Variants in DRC4 observed in about 807,000 individuals in gnomAD.
DRC4 encodes GAS-11.
the DRC4 span, among the ~76,000 whole-genome samples, chr16:90,025,017 C>CT: frequency 3.6e-3 from 491 of 137,360 alleles, 3 homozygotes; most frequent in South Asian, 0.028. Flanking sequence ...TTCTCTCTCT[C>CT]TTTTTTTTTT....
the DRC4 span, chr16:90,037,239 T>C: frequency 8.7e-6 from 14 of 1,610,066 alleles, no homozygotes; most frequent in Non-Finnish European, 1.2e-5. Context: ...CAGGAGCAGA[T>C]GGAGGACATG....
the DRC4 span, chr16:90,042,413 TC>T: frequency 6.6e-7 from 1 of 1,504,306 alleles, no homozygotes; most frequent in South Asian, 1.1e-5. Flanking sequence ...CCCAGGCCGC[TC>T]CCGTTGCCTC....
At chr16:90,027,616 C>T in the DRC4 span, 20 of 1,612,292 alleles carry the variant, frequency 1.2e-5, 1 homozygote, top group Middle Eastern at 1.7e-4. Flanking sequence ...GTCTCTCTTA[C>T]CCCATTATTT....
chr16:90,042,535 G>C, the DRC4 span: 1 of 1,613,296 alleles, frequency 6.2e-7, no homozygotes, highest in Non-Finnish European at 8.5e-7. Flanking sequence ...AGGTCTGTAA[G>C]GTACGGCTGT....
chr16:90,036,596 G>A, the DRC4 span: 79 of 1,562,144 alleles, frequency 5.1e-5, no homozygotes, highest in South Asian at 8.2e-5. Flanking sequence ...GGTGCTGTGC[G>A]TGGGCTGGGC....
chr16:90,040,042 CT>C, the DRC4 span: 1 of 525,376 alleles, frequency 1.9e-6, no homozygotes, highest in East Asian at 3.3e-5. Flanking sequence ...TACCAGGACA[CT>C]TATGGCTTCC....
At chr16:90,028,682 G>C in the DRC4 span, among the ~76,000 whole-genome samples, 1 of 152,166 alleles carries the variant, frequency 6.6e-6, no homozygotes, top group Non-Finnish European at 1.5e-5. Flanking sequence ...TACCTAAAAG[G>C]CTCCTGGAGA....
the DRC4 span, among the ~76,000 whole-genome samples, chr16:90,034,860 A>T: frequency 6.8e-6 from 1 of 146,778 alleles, no homozygotes; most frequent in African/African-American, 2.5e-5. Flanking sequence ...AGTAGCTGGA[A>T]CTATAGATAT....
chr16:90,041,604 G>GACC, the DRC4 span, among the ~76,000 whole-genome samples: 7 of 152,168 alleles, frequency 4.6e-5, no homozygotes, highest in Non-Finnish European at 1.0e-4. Flanking sequence ...GGGAGTTCAA[G>GACC]ACCAGCCTGG....
the DRC4 span, chr16:90,035,788 G>A: frequency 3.4e-5 from 54 of 1,610,390 alleles, 1 homozygote; most frequent in African/African-American, 5.9e-4. Context: ...AGCAAAAACT[G>A]GATTAAAACA....
the DRC4 span, chr16:90,035,728 C>A: frequency 9.3e-6 from 15 of 1,614,126 alleles, no homozygotes; most frequent in East Asian, 3.1e-4. Context: ...GCCAGAGACA[C>A]CCCCGCCCCA....
At chr16:90,029,139 T>C in the DRC4 span, 1 of 1,334,324 alleles carries the variant, frequency 7.5e-7, no homozygotes, top group Non-Finnish European at 9.9e-7. Flanking sequence ...CCATGGAGCC[T>C]ACGGGGCAGC....
At chr16:90,032,916 C>A in the DRC4 span, 2 of 1,613,212 alleles carry the variant, frequency 1.2e-6, no homozygotes, top group South Asian at 2.2e-5. Context: ...GGTGAAGAAC[C>A]TGCGGCTGGT....
the DRC4 span, among the ~76,000 whole-genome samples, chr16:90,033,798 G>A: frequency 1.1e-4 from 16 of 151,970 alleles, no homozygotes; most frequent in Non-Finnish European, 2.2e-4. Flanking sequence ...CAAAATAAAC[G>A]TGCCAGATAC....
the DRC4 span, among the ~76,000 whole-genome samples, chr16:90,038,670 C>T: frequency 9.1e-3 from 1,390 of 152,218 alleles, 26 homozygotes; most frequent in African/African-American, 0.032. Context: ...GCGGAGGGGC[C>T]GTTTCCATCC....
At chr16:90,041,482 C>A in the DRC4 span, among the ~76,000 whole-genome samples, 1 of 152,068 alleles carries the variant, frequency 6.6e-6, no homozygotes, top group Non-Finnish European at 1.5e-5. Context: ...GCGGGGCCAG[C>A]GCTGCTGAAG....
the DRC4 span, chr16:90,043,773 A>G: frequency 1.1e-5 from 5 of 472,802 alleles, no homozygotes; most frequent in South Asian, 7.7e-5. Context: ...GCCCAGTGGG[A>G]TTCTCCAGGG....
chr16:90,030,472 C>T, the DRC4 span, among the ~76,000 whole-genome samples: 2 of 151,312 alleles, frequency 1.3e-5, no homozygotes, highest in East Asian at 1.9e-4. Context: ...TTCTGAGTAG[C>T]TGGGACTATA....
the DRC4 span, chr16:90,042,901 C>T: frequency 2.0e-6 from 1 of 510,544 alleles, no homozygotes; most frequent in Non-Finnish European, 3.5e-6. Context: ...GGGAAACACC[C>T]AGCCAGGGCC....
Sources: gnomAD v4.1 joint callset for allele counts (sites outside exome capture counted in the v4.1 genomes callset) on GRCh38, gnomAD v4.1.1 for gene constraint, MANE v1.5 for transcripts, NCBI Gene and HGNC (gene_info 2026-07-23, HGNC 2026-07-21) for gene names.